SLC25A16: variants seen among roughly 807,000 people sequenced by gnomAD.
SLC25A16 encodes mitochondrial coenzyme A transporter SLC25A16.
Under a neutral mutation model 41.5 loss-of-function variants are expected in SLC25A16, and 39 were observed. The ratio of observed to expected loss-of-function variants is 0.94; its 90% CI spans 0.73 to 1.23. The LOEUF is 1.23. Ranked by LOEUF, SLC25A16 falls within the 50% of genes most tolerant of loss-of-function variation. SLC25A16 has a pLI of 0.00. For synonymous variants in SLC25A16, 146 were observed against 147.8 expected (o/e 0.99, Z 0.09); for missense variants, 421 against 426.9 (o/e 0.99, Z 0.12).
chr10:68,497,199 G>A (rs947252869), intron 4 of SLC25A16, among the ~76,000 whole-genome samples: 5 of 152,170 alleles, frequency 3.3e-5, no homozygotes, highest in African/African-American at 9.7e-5. Flanking sequence ...GACATAGTGG[G>A]AGCAGCATCC....
chr10:68,491,817 G>A (rs1390714060), intron 6 of SLC25A16, among the ~76,000 whole-genome samples: 3 of 151,952 alleles, frequency 2.0e-5, no homozygotes, highest in Non-Finnish European at 4.4e-5. Context: ...TTGCTTGCTT[G>A]ATTGATTGAT....
intron 4 of SLC25A16, among the ~76,000 whole-genome samples, chr10:68,495,761 AAC>A (rs961826438): frequency 2.0e-5 from 3 of 147,880 alleles, no homozygotes; most frequent in African/African-American, 7.5e-5. Context: ...CAGTCTGGGC[AAC>A]AGAGTTAGAC....
intron 7 of SLC25A16, 124 bp downstream of exon 7, chr10:68,488,343 A>G (rs1011485640): frequency 1.7e-6 from 1 of 597,258 alleles, no homozygotes; most frequent in Non-Finnish European, 2.8e-6. Context: ...TTAAATTGAG[A>G]CCTATATTTT....
At chr10:68,513,217 G>A (rs2053098524) in intron 2 of SLC25A16, among the ~76,000 whole-genome samples, 2 of 150,942 alleles carry the variant, frequency 1.3e-5, no homozygotes, top group Admixed American at 1.3e-4. Context: ...AAACCAGCCT[G>A]GCCAAACATA....
At chr10:68,503,327 CAT>C (rs896207762) in intron 4 of SLC25A16, 3 of 218,140 alleles carry the variant, frequency 1.4e-5, no homozygotes, top group African/African-American at 6.8e-5. Context: ...AAGCTTTTCA[CAT>C]AGTTATAAGT....
intron 6 of SLC25A16, among the ~76,000 whole-genome samples, chr10:68,490,801 A>G (rs1269677209): frequency 6.6e-6 from 1 of 152,198 alleles, no homozygotes; most frequent in Non-Finnish European, 1.5e-5. Flanking sequence ...TTTTTGACAC[A>G]ATAAAGACTA....
intron 8 of SLC25A16, among the ~76,000 whole-genome samples, chr10:68,486,243 A>C (rs545946746): frequency 6.0e-4 from 90 of 149,734 alleles, no homozygotes; most frequent in South Asian, 2.1e-3. Context: ...AAAAAAAAAA[A>C]AAAACACAAC....
intron 2 of SLC25A16, among the ~76,000 whole-genome samples, chr10:68,508,219 C>A (rs1223284543): frequency 1.3e-5 from 2 of 151,376 alleles, no homozygotes; most frequent in Non-Finnish European, 3.0e-5. Flanking sequence ...CTCAAAAAAA[C>A]AAACAAAAAG....
chr10:68,521,334 G>A (rs2053246216), intron 1 of SLC25A16, among the ~76,000 whole-genome samples: 1 of 151,914 alleles, frequency 6.6e-6, no homozygotes, highest in Non-Finnish European at 1.5e-5. Flanking sequence ...AGCTCAGTTC[G>A]AGACCAGCCT....
chr10:68,525,971 G>A (rs1017076461), intron 1 of SLC25A16, among the ~76,000 whole-genome samples: 22 of 151,902 alleles, frequency 1.4e-4, no homozygotes, highest in African/African-American at 4.6e-4. Context: ...GCGGAAGGCC[G>A]CAGGGACCTC....
intron 5 of SLC25A16, 29 bp from the exon 6 acceptor site, chr10:68,493,227 G>A: frequency 6.8e-7 from 1 of 1,460,538 alleles, no homozygotes. Flanking sequence ...TTGCAAGTGA[G>A]ATTACATTGT....
chr10:68,513,661 G>A (rs772397493), intron 2 of SLC25A16, among the ~76,000 whole-genome samples: 1 of 151,906 alleles, frequency 6.6e-6, no homozygotes, highest in Non-Finnish European at 1.5e-5. Flanking sequence ...AGGACAAGGC[G>A]GGCAGGTCAC....
At chr10:68,523,944 T>C (rs990631673) in intron 1 of SLC25A16, among the ~76,000 whole-genome samples, 9 of 149,778 alleles carry the variant, frequency 6.0e-5, no homozygotes, top group Non-Finnish European at 3.0e-5. Context: ...GCTAAAAATA[T>C]AAAAATTAGG....
At chr10:68,523,473 T>C (rs2053282310) in intron 1 of SLC25A16, among the ~76,000 whole-genome samples, 1 of 151,712 alleles carries the variant, frequency 6.6e-6, no homozygotes, top group Non-Finnish European at 1.5e-5. Flanking sequence ...TGTGAATAAA[T>C]GTCATTTTTT....
At chr10:68,511,556 A>T (rs751660723) in intron 2 of SLC25A16, among the ~76,000 whole-genome samples, 1 of 152,248 alleles carries the variant, frequency 6.6e-6, no homozygotes, top group East Asian at 1.9e-4. Flanking sequence ...TCCTGTTCAC[A>T]CACTGATACG....
intron 1 of SLC25A16, among the ~76,000 whole-genome samples, chr10:68,526,513 C>T (rs1228990118): frequency 6.6e-6 from 1 of 152,088 alleles, no homozygotes; most frequent in African/African-American, 2.4e-5. Flanking sequence ...ATGCTGAACG[C>T]TGGTTCCCCG....
At position 68,514,769 on chromosome 10, in the gene SLC25A16, C is replaced by T. The variant is rs552238413; in HGVS notation, c.223+1982G>A. On this transcript the variant is annotated intron_variant, in intron 2 of 8. Transcript: ENST00000609923. Reference sequence around the variant, plus strand: ...ATTTTTTTTTTCAGACGAAGTCTCGCTCTTGTCCCCCAGGCTGGAGTGCAA... The same window carrying T: ...ATTTTTTTTTTCAGACGAAGTCTCGTTCTTGTCCCCCAGGCTGGAGTGCAA... 3.3e-5 allele frequency among the ~76,000 whole-genome samples: 5 copies of T among 151,446 alleles called. No homozygotes were observed. The East Asian group carries it at 9.8e-4, about 30-fold the overall frequency.
chr10:68,507,004 C>T (rs531873784), intron 2 of SLC25A16, among the ~76,000 whole-genome samples: 111 of 149,272 alleles, frequency 7.4e-4, no homozygotes, highest in African/African-American at 2.5e-3. Context: ...TAAACTATAG[C>T]AATCTAAAAA....
chr10:68,503,529 C>G, intron 4 of SLC25A16, 103 bp downstream of exon 4: 2 of 681,740 alleles, frequency 2.9e-6, no homozygotes, highest in Non-Finnish European at 2.5e-6. Flanking sequence ...AGGACACCTG[C>G]AACCTGTGCT....
Sources: gnomAD v4.1 joint callset for allele counts (sites outside exome capture counted in the v4.1 genomes callset) on GRCh38, gnomAD v4.1.1 for gene constraint, MANE v1.5 for transcripts, NCBI Gene and HGNC (gene_info 2026-07-23, HGNC 2026-07-21) for gene names.